Variants in SMARCA1 observed in about 807,000 individuals in gnomAD.
The protein encoded by SMARCA1 is SWI/SNF-related matrix-associated actin-dependent regulator of chromatin subfamily A member 1.
SMARCA1 carries 17 observed loss-of-function variants against 93.6 expected under a neutral mutation model. That is an observed-to-expected ratio of 0.18 (90% CI 0.12 to 0.27). The LOEUF (loss-of-function observed/expected upper bound fraction) is 0.27. Among genes scored for constraint, SMARCA1 ranks in the 10% least tolerant of loss-of-function variants. The pLI is 1.00. For synonymous variants in SMARCA1, 271 were observed against 271.4 expected (o/e 1.00, Z 0.01); for missense variants, 630 against 819.0 (o/e 0.77, Z 2.82).
At chrX:129,461,733 TAGAA>T (rs1932808904) in intron 23 of SMARCA1, among the ~76,000 whole-genome samples, 1 of 111,931 alleles carries the variant, frequency 8.9e-6, no homozygotes, top group Admixed American at 9.5e-5. Flanking sequence ...ATGGTTTTCT[TAGAA>T]AGAAAATGGT....
At chrX:129,508,874 A>G (rs1409420642) in intron 6 of SMARCA1, among the ~76,000 whole-genome samples, 1 of 112,315 alleles carries the variant, frequency 8.9e-6, no homozygotes. Context: ...CAAAATCTAT[A>G]TTAAGAAGAG....
Position 129,516,324 on chromosome X carries a change from A to C in SMARCA1, c.428+7T>G, listed in dbSNP as rs1272298079. ...GAAAGAAAGTAGAGAGAGAGGTGCC[A>C]ACATACTCTCCAGCAGAAATTAAGC... On this transcript the variant is annotated splice_region_variant and intron_variant, in intron 3 of 24. Coordinates refer to ENST00000371121, the MANE Select transcript of SMARCA1 (RefSeq NM_001282874.2). 1.7e-6 allele frequency: 2 copies of C among 1,203,615 alleles called. No homozygotes were observed. The highest frequency in any genetic ancestry group is 2.2e-6 in the Non-Finnish European group (2 of 890,773).
At chrX:129,451,210 C>T (rs919321619) in intron 23 of SMARCA1, among the ~76,000 whole-genome samples, 16 of 111,798 alleles carry the variant, frequency 1.4e-4, no homozygotes, top group African/African-American at 3.9e-4. Context: ...AAATATTCTC[C>T]ATAGCTTCAT....
Position 129,489,012 on chromosome X carries a change from G to A in SMARCA1, c.2022C>T (p.Thr674=). 8.5e-7 allele frequency: 1 copy of A among 1,172,624 alleles called. No individual in the cohort carries two copies. The highest frequency in any genetic ancestry group is 1.2e-6 in the Non-Finnish European group (1 of 860,601). Residue 674 remains threonine, a synonymous_variant, in exon 16 of 25, where the codon ACC becomes ACT. Transcript: ENST00000371121. ...CACTCTCTTTAGAAGCAAAAACATG[G>A]GTGGCTCCATGCCGTATCATTTGTA... ...EMLQMIRHGA[T]HVFASKESEL... is the part of the protein sequence containing the mutation.
intron 23 of SMARCA1, among the ~76,000 whole-genome samples, chrX:129,455,107 A>G (rs761424912): frequency 8.9e-6 from 1 of 111,812 alleles, no homozygotes; most frequent in African/African-American, 3.2e-5. Context: ...ATTACTGAGT[A>G]TGTACCCAAA....
intron 21 of SMARCA1, among the ~76,000 whole-genome samples, chrX:129,467,412 G>A (rs760226888): frequency 9.0e-6 from 1 of 111,094 alleles, no homozygotes; most frequent in South Asian, 3.8e-4. Flanking sequence ...AAATCTCTCT[G>A]CACATACCCT....
chrX:129,483,138 A>G (rs184455795), intron 17 of SMARCA1, among the ~76,000 whole-genome samples: 1 of 112,646 alleles, frequency 8.9e-6, no homozygotes, highest in Admixed American at 9.4e-5. Flanking sequence ...TAATTTAACT[A>G]TTCATTAATT....
intron 19 of SMARCA1, among the ~76,000 whole-genome samples, chrX:129,475,706 T>C (rs1277275549): frequency 8.9e-6 from 1 of 112,311 alleles, no homozygotes; most frequent in African/African-American, 3.2e-5. Flanking sequence ...TGCTAAGGAA[T>C]TTGTGATTAA....
chrX:129,451,561 T>C (rs778415303), intron 23 of SMARCA1, among the ~76,000 whole-genome samples: 1 of 111,628 alleles, frequency 9.0e-6, no homozygotes, highest in East Asian at 2.8e-4. Flanking sequence ...CATACCTTCA[T>C]TCCTTTTAAC....
chrX:129,460,223 A>C (rs1030498656), intron 23 of SMARCA1, among the ~76,000 whole-genome samples: 16 of 111,844 alleles, frequency 1.4e-4, no homozygotes, highest in African/African-American at 4.9e-4. Context: ...TAAGTGCATA[A>C]ATACGTGGTT....
intron 11 of SMARCA1, among the ~76,000 whole-genome samples, chrX:129,497,368 G>T (rs768574930): frequency 3.6e-5 from 4 of 111,140 alleles, no homozygotes; most frequent in African/African-American, 1.3e-4. Context: ...ACTCCTTAAG[G>T]CATGGTTTAA....
chrX:129,509,838 T>C (rs1033983209), intron 6 of SMARCA1, among the ~76,000 whole-genome samples: 4 of 111,997 alleles, frequency 3.6e-5, no homozygotes, highest in Non-Finnish European at 5.6e-5. Context: ...ACAAAGCACA[T>C]TGGTATCAAT....
chrX:129,488,844 G>C, intron 16 of SMARCA1, 93 bp downstream of exon 16: 1 of 531,864 alleles, frequency 1.9e-6, no homozygotes, highest in Non-Finnish European at 3.1e-6. Context: ...TGTAGATAAT[G>C]CAGATAAACA....
chrX:129,500,804 A>G lies in SMARCA1; in HGVS notation c.1168-963T>C, dbSNP rs138080517. On this transcript the variant is annotated intron_variant, in intron 9 of 24. Transcript: ENST00000371121. ...ATCAGGTCTCTATATATGCTCCATT[A>G]TAATCTGATGGGACCACCATCATCT... Among the ~76,000 whole-genome samples, 341 of 112,397 alleles carry G rather than the reference A, an allele frequency of 3.0e-3. 4 individuals are homozygous for G. Among genetic ancestry groups the G allele is most frequent in the African/African-American group, 0.011 (330 of 31,029 alleles).
intron 1 of SMARCA1, among the ~76,000 whole-genome samples, chrX:129,520,534 T>C (rs927208076): frequency 4.5e-5 from 5 of 110,565 alleles, no homozygotes; most frequent in Non-Finnish European, 9.5e-5. Flanking sequence ...CCACCAAGTT[T>C]GAAAATCTGG....
chrX:129,518,946 A>T (rs1201399161), intron 1 of SMARCA1, among the ~76,000 whole-genome samples: 1 of 111,850 alleles, frequency 8.9e-6, no homozygotes, highest in African/African-American at 3.2e-5. Context: ...TTGTTTTCAT[A>T]GTATTATAAG....
intron 19 of SMARCA1, among the ~76,000 whole-genome samples, chrX:129,474,628 C>T (rs372632520): frequency 3.6e-5 from 4 of 111,876 alleles, no homozygotes; most frequent in Non-Finnish European, 7.5e-5. Context: ...ACAAGAATGA[C>T]TTCATGAAAG....
At position 129,465,971 on chromosome X, in the gene SMARCA1, CAG is replaced by C. The variant is rs778467447; in HGVS notation, c.2699-11_2699-10del. The stretch of plus-strand genomic sequence containing the variant: ...ACGTTCCCAAAATACAGCTGAAAAA[CAG>C]AGTTATTTCTTTAAAATCCTATCAT... On this transcript the variant is annotated splice_polypyrimidine_tract_variant and intron_variant, in intron 21 of 24. Transcript: ENST00000371121. 4 of 909,968 alleles carry C rather than the reference CAG, an allele frequency of 4.4e-6. No homozygotes were observed. Among genetic ancestry groups the C allele is most frequent in the Non-Finnish European group, 6.2e-6 (4 of 647,457 alleles). The allele number at this position is 909,968 out of a possible 1,213,427, so 75.0% of individuals were successfully genotyped here.
intron 5 of SMARCA1, among the ~76,000 whole-genome samples, chrX:129,514,152 A>T (rs1935110119): frequency 8.9e-6 from 1 of 111,877 alleles, no homozygotes; most frequent in Non-Finnish European, 1.9e-5. Flanking sequence ...CGTCTCTACT[A>T]AAAAAATACA....
Sources: gnomAD v4.1 joint callset for allele counts (sites outside exome capture counted in the v4.1 genomes callset) on GRCh38, gnomAD v4.1.1 for gene constraint, MANE v1.5 for transcripts, NCBI Gene and HGNC (gene_info 2026-07-23, HGNC 2026-07-21) for gene names.